PDE4B: variants seen among roughly 807,000 people sequenced by gnomAD.
PDE4B encodes 3',5'-cyclic-AMP phosphodiesterase 4B.
In PDE4B, 20 loss-of-function variants were observed where a neutral mutation model predicts 82.2. The ratio of observed to expected loss-of-function variants is 0.24; its 90% CI spans 0.17 to 0.35. The LOEUF (loss-of-function observed/expected upper bound fraction) is 0.35, where lower values mean the gene tolerates loss of function less well. Among genes scored for constraint, PDE4B ranks in the 10% least tolerant of loss-of-function variants. The probability of loss-of-function intolerance (pLI) is 1.00; values close to 1 mark genes in which losing one functional copy is unlikely to be tolerated. For synonymous variants in PDE4B, 320 were observed against 318.9 expected (o/e 1.00, Z -0.04); for missense variants, 655 against 907.2 (o/e 0.72, Z 3.57).
chr1:66,174,241 T>A (rs1165428317), intron 3 of PDE4B, among the ~76,000 whole-genome samples: 5 of 152,220 alleles, frequency 3.3e-5, no homozygotes. Context: ...GTAGGGGAGC[T>A]AAATTTTATG....
At chr1:65,881,877 T>C (rs1437178518) in intron 1 of PDE4B, among the ~76,000 whole-genome samples, 1 of 151,034 alleles carries the variant, frequency 6.6e-6, no homozygotes, top group African/African-American at 2.4e-5. Flanking sequence ...AATGGCATTA[T>C]AAACCAAAAT....
In PDE4B at chr1:66,367,773, CAAG is replaced by C; in HGVS notation, c.1468_1470del (p.Glu490del). ...CCTTGCTGTGGGTTTCAAACTGCTG[CAAG>C]AAGAACACTGTGACATCTTCATGAA... On this transcript the variant is annotated inframe_deletion, in exon 14 of 17. Transcript: ENST00000341517. 2 of 1,613,784 alleles carry C rather than the reference CAAG, an allele frequency of 1.2e-6. No individual in the cohort carries two copies. Among genetic ancestry groups the C allele is most frequent in the Non-Finnish European group, 1.7e-6 (2 of 1,179,772 alleles).
At chr1:66,354,394 T>G in intron 8 of PDE4B, 1 of 986,796 alleles carries the variant, frequency 1.0e-6, no homozygotes, top group Non-Finnish European at 1.2e-6. Context: ...TTTAATCTTC[T>G]CCTTTTTAAA....
intron 3 of PDE4B, among the ~76,000 whole-genome samples, chr1:66,111,231 G>T (rs567820153): frequency 6.6e-6 from 1 of 151,958 alleles, no homozygotes; most frequent in Admixed American, 6.6e-5. Flanking sequence ...TTTGTGTGCT[G>T]CAAAAGAACT....
intron 1 of PDE4B, among the ~76,000 whole-genome samples, chr1:65,876,436 A>G (rs1445988784): frequency 6.6e-6 from 1 of 152,108 alleles, no homozygotes; most frequent in African/African-American, 2.4e-5. Context: ...TACATATTAC[A>G]TGTACATACA....
intron 3 of PDE4B, among the ~76,000 whole-genome samples, chr1:65,960,054 G>T (rs1001730829): frequency 2.6e-5 from 4 of 152,070 alleles, no homozygotes; most frequent in African/African-American, 9.7e-5. Flanking sequence ...AATACAAAAT[G>T]CTTTGTAAAG....
chr1:66,293,606 T>C (rs1404541517), intron 7 of PDE4B, among the ~76,000 whole-genome samples: 1 of 152,188 alleles, frequency 6.6e-6, no homozygotes, highest in African/African-American at 2.4e-5. Flanking sequence ...AGTTTATAGT[T>C]TATTAAACCA....
chr1:66,017,244 C>CT (rs1159326532), intron 3 of PDE4B, among the ~76,000 whole-genome samples: 2 of 151,972 alleles, frequency 1.3e-5, no homozygotes, highest in Non-Finnish European at 2.9e-5. Flanking sequence ...TATATAAGGC[C>CT]TTTAGTAAAT....
intron 3 of PDE4B, among the ~76,000 whole-genome samples, chr1:66,177,720 T>C (rs1003518382): frequency 1.3e-5 from 2 of 152,146 alleles, no homozygotes; most frequent in Non-Finnish European, 2.9e-5. Context: ...CTCTGTGACA[T>C]TTTAGGAACC....
At chr1:66,230,301 G>A (rs1218121283) in intron 3 of PDE4B, among the ~76,000 whole-genome samples, 1 of 152,148 alleles carries the variant, frequency 6.6e-6, no homozygotes, top group Non-Finnish European at 1.5e-5. Context: ...TCAATTAAAG[G>A]TTAGATAAGC....
chr1:66,286,026 T>C (rs955020088), intron 7 of PDE4B, among the ~76,000 whole-genome samples: 2 of 152,184 alleles, frequency 1.3e-5, no homozygotes, highest in Non-Finnish European at 2.9e-5. Context: ...AACTTCGTAA[T>C]TCAGGATGTA....
intron 1 of PDE4B, among the ~76,000 whole-genome samples, chr1:65,912,217 T>C (rs1370542787): frequency 6.6e-6 from 1 of 152,222 alleles, no homozygotes; most frequent in Non-Finnish European, 1.5e-5. Context: ...TCTTGTAGTC[T>C]GTTGTATGAC....
chr1:66,300,101 G>T (rs1444265505), intron 7 of PDE4B, among the ~76,000 whole-genome samples: 4 of 152,146 alleles, frequency 2.6e-5, no homozygotes, highest in Admixed American at 6.5e-5. Context: ...ACCTTCTTCA[G>T]CCATGTGAAA....
chr1:65,898,706 A>G (rs529950073), intron 1 of PDE4B, among the ~76,000 whole-genome samples: 1 of 152,206 alleles, frequency 6.6e-6, no homozygotes, highest in African/African-American at 2.4e-5. Flanking sequence ...ACAAAAACAT[A>G]AAGTGGAGAA....
Position 66,117,845 on chromosome 1 carries a change from G to A in PDE4B, c.282-129615G>A, listed in dbSNP as rs149917661. 9.9e-4 allele frequency among the ~76,000 whole-genome samples: 150 copies of A among 152,248 alleles called. 3 individuals carry two copies. The East Asian group carries it at 0.021, about 22-fold the overall frequency. On this transcript the variant is annotated intron_variant, in intron 3 of 16. Transcript: ENST00000341517. ...GGATATGTACAGATAAGATGTGATT[G>A]CTTCTTTTTCTTAAAAAACCAAACC...
At chr1:65,971,477 G>A (rs1650134000) in intron 3 of PDE4B, among the ~76,000 whole-genome samples, 1 of 152,084 alleles carries the variant, frequency 6.6e-6, no homozygotes, top group Admixed American at 6.6e-5. Flanking sequence ...GACAGTAATA[G>A]GTATGCTGGG....
intron 3 of PDE4B, among the ~76,000 whole-genome samples, chr1:65,923,140 A>G (rs1365323044): frequency 6.6e-6 from 1 of 152,196 alleles, no homozygotes. Flanking sequence ...AGCATGGTTT[A>G]GAAGGAGGGT....
chr1:66,248,750 A>G (rs1653521560), intron 4 of PDE4B, among the ~76,000 whole-genome samples: 1 of 152,256 alleles, frequency 6.6e-6, no homozygotes, highest in Non-Finnish European at 1.5e-5. Flanking sequence ...GCATGCTGTC[A>G]GGGAGGTTAC....
intron 1 of PDE4B, among the ~76,000 whole-genome samples, chr1:65,812,351 GGGTAT>G (rs1645830441): frequency 6.6e-6 from 1 of 152,146 alleles, no homozygotes; most frequent in Non-Finnish European, 1.5e-5. Flanking sequence ...CTCCTTCTTA[GGGTAT>G]GGCCCTCCAT....
Sources: gnomAD v4.1 joint callset for allele counts (sites outside exome capture counted in the v4.1 genomes callset) on GRCh38, gnomAD v4.1.1 for gene constraint, MANE v1.5 for transcripts, NCBI Gene and HGNC (gene_info 2026-07-23, HGNC 2026-07-21) for gene names.